Variants in METTL8 observed in about 807,000 individuals in gnomAD.
METTL8 encodes methyltransferase 8, tRNA N3-cytidine.
A neutral mutation model predicts 48.7 loss-of-function variants in METTL8; 32 were observed. The observed-to-expected ratio is 0.66, with a 90% CI of 0.50 to 0.88. METTL8 has a LOEUF of 0.88. Ranked by LOEUF, METTL8 falls within the 40% of genes least tolerant of loss-of-function variation. The pLI is 0.00. For synonymous variants in METTL8, 136 were observed against 157.1 expected, an observed-to-expected ratio of 0.87 and a Z score of 1.01; for missense variants, 464 against 474.4, an observed-to-expected ratio of 0.98 and a Z score of 0.20.
At chr2:171,405,178 T>G (rs981377140) in intron 1 of METTL8, among the ~76,000 whole-genome samples, 3 of 152,128 alleles carry the variant, frequency 2.0e-5, no homozygotes, top group African/African-American at 7.2e-5. Flanking sequence ...TATATTCAAA[T>G]GGATAGCCCC....
chr2:171,395,420 A>G (rs1345362249), intron 1 of METTL8, among the ~76,000 whole-genome samples: 1 of 152,222 alleles, frequency 6.6e-6, no homozygotes, highest in East Asian at 1.9e-4. Flanking sequence ...ATTAACTTGG[A>G]TTAAAAAAAG....
At chr2:171,429,084 A>C (rs1197745709) in intron 1 of METTL8, among the ~76,000 whole-genome samples, 1 of 152,118 alleles carries the variant, frequency 6.6e-6, no homozygotes, top group Non-Finnish European at 1.5e-5. Context: ...AGATTTCTGT[A>C]GGAGAAACCT....
intron 1 of METTL8, among the ~76,000 whole-genome samples, chr2:171,427,596 T>G (rs1692545357): frequency 6.6e-6 from 1 of 152,182 alleles, no homozygotes; most frequent in Admixed American, 6.5e-5. Flanking sequence ...CCTGGACTAC[T>G]ACTCTGGACT....
chr2:171,387,520 ACT>A (rs1401288393), intron 2 of METTL8, among the ~76,000 whole-genome samples: 2 of 151,158 alleles, frequency 1.3e-5, no homozygotes, highest in African/African-American at 4.9e-5. Flanking sequence ...ACAGAGCGAG[ACT>A]CTGTCTTATT....
At position 171,326,027 on chromosome 2, in the gene METTL8, T is replaced by A; in HGVS notation, c.967+15A>T. ...AGAACATTTAAAAATAACCTCAAACTGAATATACTATTACCCTTTTTAAAA... is the reference window on the plus strand; with the variant it reads ...AGAACATTTAAAAATAACCTCAAACAGAATATACTATTACCCTTTTTAAAA... On this transcript the variant is annotated intron_variant, in intron 8 of 9. Coordinates refer to ENST00000375258, the MANE Select transcript of METTL8 (RefSeq NM_001321154.2). The A allele has an allele frequency of 1.4e-6, 2 of 1,424,238 alleles. No individual in the cohort carries two copies. The highest frequency in any genetic ancestry group is 1.4e-5 in the African/African-American group (1 of 70,076). 88.2% of individuals were successfully genotyped at this position (1,424,238 alleles called of 1,614,324 possible).
At chr2:171,391,118 C>T (rs1240309542) in intron 2 of METTL8, among the ~76,000 whole-genome samples, 2 of 152,202 alleles carry the variant, frequency 1.3e-5, no homozygotes, top group Non-Finnish European at 2.9e-5. Flanking sequence ...CCTGATCAGT[C>T]AGCAGCCATC....
In METTL8 at chr2:171,376,902, G is replaced by A. The variant is rs140022574; in HGVS notation, c.143+15141C>T. On this transcript the variant is annotated intron_variant, in intron 2 of 9. Coordinates refer to ENST00000375258, the MANE Select transcript of METTL8 (RefSeq NM_001321154.2). ...CATAGAGCCAAAGCAACAATAAGCA[G>A]AAAGAATAAATCTGGAGGTGTCACA... Among the ~76,000 whole-genome samples, 214 of 152,150 alleles carry A rather than the reference G, an allele frequency of 1.4e-3. 4 individuals are homozygous for A. The East Asian group carries it at 0.015, about 11-fold the overall frequency.
At chr2:171,433,163 G>C (rs918153395) in intron 1 of METTL8, 2 of 152,254 alleles carry the variant, frequency 1.3e-5, no homozygotes, top group Non-Finnish European at 2.9e-5. Flanking sequence ...AGGAAACACA[G>C]ACAAGGCCAA....
chr2:171,356,952 A>ATGTTTTTTTTTTGTTTTTTTTTTTTTT, intron 3 of METTL8, among the ~76,000 whole-genome samples: 8 of 78,468 alleles, frequency 1.0e-4, no homozygotes, highest in Non-Finnish European at 1.9e-4. Flanking sequence ...CAAAGACAAT[A>ATGTTTTTTTTTTGTTTTTTTTTTTTTT]TTTTTTTTTT....
chr2:171,383,579 T>C (rs1476547697), intron 2 of METTL8, among the ~76,000 whole-genome samples: 1 of 152,188 alleles, frequency 6.6e-6, no homozygotes, highest in African/African-American at 2.4e-5. Context: ...ACTGGGAGCA[T>C]GCCAATGGCC....
intron 2 of METTL8, among the ~76,000 whole-genome samples, chr2:171,376,217 T>C (rs1456229261): frequency 6.6e-6 from 1 of 152,198 alleles, no homozygotes; most frequent in Non-Finnish European, 1.5e-5. Context: ...ACATCTTTAT[T>C]CATGCTACCA....
intron 3 of METTL8, among the ~76,000 whole-genome samples, chr2:171,348,232 G>A (rs1405604659): frequency 6.6e-6 from 1 of 152,102 alleles, no homozygotes; most frequent in Admixed American, 6.6e-5. Context: ...CAGGACAGCT[G>A]ATCAATCTAG....
At position 171,372,034 on chromosome 2, in the gene METTL8, A is replaced by G. The variant is rs561020005; in HGVS notation, c.144-11521T>C. 1.6e-3 allele frequency among the ~76,000 whole-genome samples: 247 copies of G among 152,166 alleles called. 1 individual carries two copies. Among genetic ancestry groups the G allele is most frequent in the Non-Finnish European group, 1.9e-3 (130 of 68,014 alleles). On this transcript the variant is annotated intron_variant, in intron 2 of 9. Coordinates refer to ENST00000375258, the MANE Select transcript of METTL8 (RefSeq NM_001321154.2). ...TGACTAACAAAAAACACAAACATAG[A>G]GCCAATGCCTTTCTACTTTGCATAC...
intron 5 of METTL8, among the ~76,000 whole-genome samples, chr2:171,334,191 C>T (rs1215846408): frequency 1.3e-5 from 2 of 152,100 alleles, no homozygotes; most frequent in Non-Finnish European, 2.9e-5. Context: ...TGCAGTCTAC[C>T]TTTGGGCAGT....
intron 3 of METTL8, 130 bp from the exon 4 acceptor site, chr2:171,339,684 ATAT>A: frequency 2.2e-6 from 1 of 444,676 alleles, no homozygotes; most frequent in Non-Finnish European, 3.8e-6. Flanking sequence ...AATAACTTTA[ATAT>A]TATAATATTT....
At chr2:171,333,380 G>A (rs912426352) in intron 5 of METTL8, among the ~76,000 whole-genome samples, 6 of 152,178 alleles carry the variant, frequency 3.9e-5, no homozygotes, top group African/African-American at 1.4e-4. Flanking sequence ...TTACAGGAGT[G>A]AGCCACCGCA....
At chr2:171,364,421 G>T (rs1004874494) in intron 2 of METTL8, among the ~76,000 whole-genome samples, 7 of 151,832 alleles carry the variant, frequency 4.6e-5, no homozygotes, top group Non-Finnish European at 7.4e-5. Flanking sequence ...ACATAAAAAA[G>T]AAACTTGGGC....
chr2:171,423,955 T>C (rs1388110163), intron 1 of METTL8, among the ~76,000 whole-genome samples: 1 of 152,150 alleles, frequency 6.6e-6, no homozygotes, highest in African/African-American at 2.4e-5. Context: ...GGAAAAGTGG[T>C]TTCCTGGGCT....
intron 5 of METTL8, among the ~76,000 whole-genome samples, 154 bp downstream of exon 5, chr2:171,337,299 T>C (rs1686224620): frequency 6.6e-6 from 1 of 152,192 alleles, no homozygotes; most frequent in African/African-American, 2.4e-5. Flanking sequence ...AAGTAGACAT[T>C]GAGATTAAGA....
Sources: allele counts gnomAD v4.1 joint callset (sites outside exome capture counted in the v4.1 genomes callset), GRCh38; gene constraint gnomAD v4.1.1; transcripts MANE v1.5; gene names NCBI Gene and HGNC (gene_info 2026-07-23, HGNC 2026-07-21).